Variants in SRGAP2 observed in about 807,000 individuals in gnomAD.
SRGAP2 encodes SLIT-ROBO Rho GTPase activating protein 2, also known as SLIT-ROBO Rho GTPase-activating protein 2.
A neutral mutation model predicts 57.2 loss-of-function variants in SRGAP2; 15 were observed. The ratio of observed to expected loss-of-function variants is 0.26; its 90% CI spans 0.18 to 0.40. SRGAP2 has a LOEUF of 0.40. Ranked by LOEUF, SRGAP2 falls within the 10% of genes least tolerant of loss-of-function variation. The pLI, the probability that SRGAP2 is intolerant of heterozygous loss-of-function variation, is 1.00. For missense variants in SRGAP2, 520 were observed against 669.6 expected (o/e 0.78, Z 2.47); for synonymous variants, 249 against 248.0 (o/e 1.00, Z -0.04).
At chr1:206,436,039 A>G (rs1243258698) in intron 14 of SRGAP2, among the ~76,000 whole-genome samples, 1 of 152,086 alleles carries the variant, frequency 6.6e-6, no homozygotes, top group African/African-American at 2.4e-5. Context: ...CCTGTGGCCC[A>G]TGGGCTGCAG....
intron 3 of SRGAP2, among the ~76,000 whole-genome samples, chr1:206,305,623 C>T (rs1222785645): frequency 2.0e-5 from 3 of 151,400 alleles, no homozygotes; most frequent in Admixed American, 1.3e-4. Context: ...TGGTGTCCCA[C>T]GGTGCCTAGT....
chr1:206,340,200 A>G (rs1255866607), intron 3 of SRGAP2, among the ~76,000 whole-genome samples: 3 of 148,294 alleles, frequency 2.0e-5, no homozygotes, highest in Non-Finnish European at 4.4e-5. Context: ...TTTTCTTTTG[A>G]GGACACCCTG....
intron 2 of SRGAP2, among the ~76,000 whole-genome samples, chr1:206,301,249 A>T (rs1671855547): frequency 1.3e-5 from 2 of 151,878 alleles, no homozygotes; most frequent in African/African-American, 4.8e-5. Flanking sequence ...GTTAGCCAGG[A>T]TGGTCTCGAT....
intron 2 of SRGAP2, among the ~76,000 whole-genome samples, chr1:206,239,619 G>A (rs1161656327): frequency 6.8e-6 from 1 of 147,290 alleles, no homozygotes; most frequent in Non-Finnish European, 1.5e-5. Context: ...CACCATGCCC[G>A]GCTGATTTTT....
intron 3 of SRGAP2, among the ~76,000 whole-genome samples, chr1:206,305,774 ATT>A (rs1672155929): frequency 1.3e-5 from 2 of 150,652 alleles, no homozygotes; most frequent in South Asian, 2.1e-4. Flanking sequence ...CAGGACACAA[ATT>A]ATCCTTTAAA....
chr1:206,278,342 CTTTTTT>C (rs1327766898), intron 2 of SRGAP2, among the ~76,000 whole-genome samples: 1 of 134,474 alleles, frequency 7.4e-6, no homozygotes, highest in South Asian at 2.4e-4. Flanking sequence ...CTTTCTTCTA[CTTTTTT>C]TTTTTTTTTT....
intron 3 of SRGAP2, among the ~76,000 whole-genome samples, chr1:206,307,642 G>A (rs1214290109): frequency 6.6e-6 from 1 of 152,240 alleles, no homozygotes; most frequent in African/African-American, 2.4e-5. Context: ...GCACAGCGCC[G>A]ATGGGCCGGC....
intron 2 of SRGAP2, among the ~76,000 whole-genome samples, chr1:206,259,868 C>T (rs1461349978): frequency 1.9e-5 from 2 of 103,478 alleles, no homozygotes; most frequent in Non-Finnish European, 3.8e-5. Context: ...ACAATAGCTT[C>T]CCCTTTCCTT....
chr1:206,277,636 T>C, intron 2 of SRGAP2, among the ~76,000 whole-genome samples: 1 of 147,440 alleles, frequency 6.8e-6, no homozygotes, highest in South Asian at 2.2e-4. Context: ...ATTGTAATGC[T>C]GTCCGTGAAC....
chr1:206,367,886 TAAG>T, intron 4 of SRGAP2, among the ~76,000 whole-genome samples: 1 of 151,932 alleles, frequency 6.6e-6, no homozygotes, highest in Non-Finnish European at 1.5e-5. Context: ...GACAGGGTAA[TAAG>T]AGCCTGAGAT....
intron 4 of SRGAP2, among the ~76,000 whole-genome samples, chr1:206,383,771 CCT>C (rs1441227557): frequency 2.0e-5 from 3 of 146,888 alleles, no homozygotes; most frequent in Non-Finnish European, 4.4e-5. Flanking sequence ...AGGCTACCAC[CCT>C]TTTTCCCTCT....
chr1:206,249,877 A>G (rs1668734495), intron 2 of SRGAP2, among the ~76,000 whole-genome samples: 2 of 146,692 alleles, frequency 1.4e-5, no homozygotes, highest in Admixed American at 1.4e-4. Flanking sequence ...TAAGCTCCAT[A>G]AGGGAAGGGA....
intron 3 of SRGAP2, among the ~76,000 whole-genome samples, chr1:206,309,464 CAA>C (rs199561904): frequency 0.015 from 1,101 of 73,990 alleles, 8 homozygotes; most frequent in African/African-American, 0.049. Flanking sequence ...AAAGTAAGAG[CAA>C]AAAAAAAAAA....
At chr1:206,343,537 GT>G (rs1364354516) in intron 4 of SRGAP2, among the ~76,000 whole-genome samples, 1 of 145,896 alleles carries the variant, frequency 6.9e-6, no homozygotes, top group African/African-American at 2.5e-5. Flanking sequence ...TATGTTTTTA[GT>G]TTAGTTTTCT....
chr1:206,412,113 C>T (rs1245328314), intron 10 of SRGAP2, among the ~76,000 whole-genome samples: 9 of 152,184 alleles, frequency 5.9e-5, no homozygotes, highest in Non-Finnish European at 1.3e-4. Context: ...AATATTCCAA[C>T]TCATGCTTTT....
chr1:206,427,905 T>C (rs1660943104), intron 13 of SRGAP2, among the ~76,000 whole-genome samples: 1 of 152,122 alleles, frequency 6.6e-6, no homozygotes, highest in Admixed American at 6.5e-5. Flanking sequence ...GGCTAGGAGT[T>C]TGAGACCAGC....
intron 11 of SRGAP2, among the ~76,000 whole-genome samples, chr1:206,416,629 CA>C (rs1659725287): frequency 6.6e-6 from 1 of 152,178 alleles, no homozygotes; most frequent in Non-Finnish European, 1.5e-5. Context: ...TTTCTCTCCT[CA>C]ACTGTCAAAC....
intron 4 of SRGAP2, among the ~76,000 whole-genome samples, chr1:206,369,051 A>C (rs1391498265): frequency 6.6e-6 from 1 of 152,224 alleles, no homozygotes; most frequent in Non-Finnish European, 1.5e-5. Flanking sequence ...ATCATTTTTC[A>C]TCATGATGTT....
chr1:206,267,333 C>G (rs1669924461), intron 2 of SRGAP2, among the ~76,000 whole-genome samples: 1 of 151,786 alleles, frequency 6.6e-6, no homozygotes, highest in East Asian at 1.9e-4. Context: ...TGGGCCGTGG[C>G]AAATATCTTT....
Sources: allele counts gnomAD v4.1 joint callset (sites outside exome capture counted in the v4.1 genomes callset), GRCh38; gene constraint gnomAD v4.1.1; transcripts MANE v1.5; gene names NCBI Gene and HGNC (gene_info 2026-07-23, HGNC 2026-07-21).